The following ANK3 variants were observed in gnomAD, a reference collection of about 807,000 sequenced individuals.
ANK3 encodes the protein ankyrin 3.
ANK3 carries 57 observed loss-of-function variants against 370.9 expected under a neutral mutation model. That is an observed-to-expected ratio of 0.15 (90% CI 0.12 to 0.19). The LOEUF is 0.19. Ranked by LOEUF, ANK3 falls within the 10% of genes least tolerant of loss-of-function variation. The probability of loss-of-function intolerance (pLI) is 1.00; values close to 1 mark genes in which losing one functional copy is unlikely to be tolerated. For missense variants in ANK3, 4,439 were observed against 5,302.1 expected (o/e 0.84, Z 5.06); for synonymous variants, 1,929 against 1,946.3 (o/e 0.99, Z 0.23).
chr10:60,174,555 T>C (rs879476929), intron 18 of ANK3, among the ~76,000 whole-genome samples: 7 of 152,152 alleles, frequency 4.6e-5, no homozygotes, highest in Admixed American at 1.3e-4. Flanking sequence ...TGAAGTAACA[T>C]TATTTCCAAG....
At chr10:60,224,110 C>T (rs79812982) in intron 8 of ANK3, among the ~76,000 whole-genome samples, 1,804 of 151,816 alleles carry the variant, frequency 0.012, 21 homozygotes, top group Non-Finnish European at 0.018. Flanking sequence ...AAGGCAATTT[C>T]GGGGGATTGA....
intron 40 of ANK3, chr10:60,059,720 G>A: frequency 6.2e-7 from 1 of 1,613,120 alleles, no homozygotes. Context: ...TCTCCAACTG[G>A]CTCTCATCTA....
At chr10:60,158,577 TATAAG>T (rs1374539310) in intron 23 of ANK3, among the ~76,000 whole-genome samples, 2 of 152,120 alleles carry the variant, frequency 1.3e-5, no homozygotes, top group Non-Finnish European at 2.9e-5. Flanking sequence ...AATAATTGAT[TATAAG>T]ATGTTATTTG....
intron 1 of ANK3, among the ~76,000 whole-genome samples, chr10:60,680,533 G>A (rs552361265): frequency 6.6e-6 from 1 of 152,280 alleles, no homozygotes; most frequent in East Asian, 1.9e-4. Flanking sequence ...GTTCTAAATA[G>A]GTGTTCCCAA....
At chr10:60,222,561 G>A (rs2097079252) in intron 8 of ANK3, among the ~76,000 whole-genome samples, 1 of 152,048 alleles carries the variant, frequency 6.6e-6, no homozygotes. Flanking sequence ...CTGACACACG[G>A]TTCTGATTTA....
chr10:60,538,445 C>T (rs576705758), intron 2 of ANK3, among the ~76,000 whole-genome samples: 1 of 152,056 alleles, frequency 6.6e-6, no homozygotes, highest in African/African-American at 2.4e-5. Flanking sequence ...TTAATTCTCT[C>T]TGCCTGGAAT....
intron 1 of ANK3, among the ~76,000 whole-genome samples, chr10:60,669,435 T>G (rs566511969): frequency 6.6e-6 from 1 of 152,182 alleles, no homozygotes. Context: ...CTTGCACCCT[T>G]TACTCAGCGG....
At chr10:60,080,731 G>A in intron 35 of ANK3, 113 bp from the exon 36 acceptor site, 1 of 914,920 alleles carries the variant, frequency 1.1e-6, no homozygotes, top group Non-Finnish European at 1.6e-6. Context: ...TCCTTCTTAG[G>A]AAATGTTAAT....
intron 2 of ANK3, among the ~76,000 whole-genome samples, chr10:60,511,540 T>C (rs2076079725): frequency 6.6e-6 from 1 of 152,172 alleles, no homozygotes; most frequent in Non-Finnish European, 1.5e-5. Flanking sequence ...ACTTAATGTG[T>C]CTCACAGAGG....
At chr10:60,506,249 C>T (rs2133153580) in intron 2 of ANK3, among the ~76,000 whole-genome samples, 1 of 152,148 alleles carries the variant, frequency 6.6e-6, no homozygotes, top group Admixed American at 6.6e-5. Context: ...GATTCTGCTC[C>T]TACAAGGGAA....
chr10:60,180,615 C>CAAAAAAAAAAAAAAAAA (rs990463587), intron 18 of ANK3, among the ~76,000 whole-genome samples: 8 of 106,150 alleles, frequency 7.5e-5, no homozygotes, highest in Non-Finnish European at 1.3e-4. Flanking sequence ...AAAAAAAAAC[C>CAAAAAAAAAAAAAAAAA]AAAAAAAAAA....
intron 2 of ANK3, among the ~76,000 whole-genome samples, chr10:60,493,052 C>A (rs2075562048): frequency 6.8e-6 from 1 of 146,394 alleles, no homozygotes; most frequent in Non-Finnish European, 1.5e-5. Flanking sequence ...TGCACTCCAG[C>A]CTGGGCGACA....
intron 43 of ANK3, among the ~76,000 whole-genome samples, chr10:60,030,382 G>T (rs80216175): frequency 1.1e-3 from 166 of 152,128 alleles, no homozygotes; most frequent in Admixed American, 1.8e-3. Flanking sequence ...GACCTCGTGA[G>T]CCGCCCACCT....
At chr10:60,469,235 A>G (rs200736175) in intron 2 of ANK3, among the ~76,000 whole-genome samples, 6,096 of 64,938 alleles carry the variant, frequency 0.094, 1,370 homozygotes, top group Non-Finnish European at 0.14. Context: ...ATATATATAT[A>G]TATACCACTT....
chr10:60,426,062 T>C (rs2063880101), intron 2 of ANK3, among the ~76,000 whole-genome samples: 1 of 152,054 alleles, frequency 6.6e-6, no homozygotes, highest in Non-Finnish European at 1.5e-5. Context: ...GAAGCAAAAA[T>C]ATTTGAAAAA....
chr10:60,411,882 T>C (rs1311583894), intron 2 of ANK3, among the ~76,000 whole-genome samples: 1 of 151,870 alleles, frequency 6.6e-6, no homozygotes, highest in Non-Finnish European at 1.5e-5. Context: ...AAATAAGGAG[T>C]CAAATTTAAA....
Position 60,389,635 on chromosome 10 carries a change from C to A in ANK3, c.-97G>T. On this transcript the variant is annotated 5_prime_UTR_variant, in exon 1 of 44. Transcript: ENST00000280772. ...ATCAGGCTTACAGCAGCATTCCAAT[C>A]ACTAGAGAGAAAGCTTTGACTAGAA... The A allele has an allele frequency of 9.1e-6, 14 of 1,537,264 alleles. No individual in the cohort carries two copies. Among genetic ancestry groups the A allele is most frequent in the Non-Finnish European group, 1.2e-5 (14 of 1,148,276 alleles).
intron 2 of ANK3, among the ~76,000 whole-genome samples, chr10:60,400,676 T>C (rs150716361): frequency 1.4e-3 from 208 of 152,308 alleles, no homozygotes; most frequent in Admixed American, 2.2e-3. Flanking sequence ...GTTAGGGGAA[T>C]TTCCTGTCAT....
At chr10:60,469,075 ATATATATATATATATATATAC>A (rs2065096431) in intron 2 of ANK3, among the ~76,000 whole-genome samples, 1 of 61,814 alleles carries the variant, frequency 1.6e-5, no homozygotes, top group Non-Finnish European at 3.0e-5. Flanking sequence ...GTATATATAT[ATATATATATATATATATATAC>A]CACTTTTAGT....
Sources: allele counts gnomAD v4.1 joint callset (sites outside exome capture counted in the v4.1 genomes callset), GRCh38; gene constraint gnomAD v4.1.1; transcripts MANE v1.5; gene names NCBI Gene and HGNC (gene_info 2026-07-23, HGNC 2026-07-21).